The following ZDHHC14 variants were observed in gnomAD, a reference collection of about 807,000 sequenced individuals.
ZDHHC14 encodes zDHHC palmitoyltransferase 14.
Under a neutral mutation model 47.7 loss-of-function variants are expected in ZDHHC14, and 16 were observed. That is an observed-to-expected ratio of 0.34 (90% confidence interval 0.23 to 0.51). The LOEUF is 0.51. Among genes scored for constraint, ZDHHC14 ranks in the 20% least tolerant of loss-of-function variants. ZDHHC14 has a pLI of 0.97. For synonymous variants in ZDHHC14, 293 were observed against 278.9 expected, an observed-to-expected ratio of 1.05 and a Z score of -0.50; for missense variants, 515 against 662.5, an observed-to-expected ratio of 0.78 and a Z score of 2.44.
At chr6:157,639,722 G>A (rs1777156541) in intron 5 of ZDHHC14, among the ~76,000 whole-genome samples, 1 of 152,194 alleles carries the variant, frequency 6.6e-6, no homozygotes, top group Non-Finnish European at 1.5e-5. Context: ...AGGGCAGTGG[G>A]ATCCGTGCCT....
At chr6:157,636,788 GAGTGA>G (rs1777005377) in intron 5 of ZDHHC14, among the ~76,000 whole-genome samples, 1 of 152,234 alleles carries the variant, frequency 6.6e-6, no homozygotes, top group African/African-American at 2.4e-5. Flanking sequence ...CTGGAAGCAG[GAGTGA>G]ATTTCAAGAA....
chr6:157,394,357 G>A (rs1562407991), intron 1 of ZDHHC14, among the ~76,000 whole-genome samples: 1 of 152,356 alleles, frequency 6.6e-6, no homozygotes, highest in South Asian at 2.1e-4. Context: ...AGGACAGAAT[G>A]TGTCAGAAAT....
chr6:157,573,269 C>T (rs915088342), intron 2 of ZDHHC14, among the ~76,000 whole-genome samples: 12 of 152,206 alleles, frequency 7.9e-5, no homozygotes, highest in African/African-American at 2.9e-4. Context: ...GGCTCTCCAA[C>T]CCTTGCACCG....
intron 8 of ZDHHC14, among the ~76,000 whole-genome samples, chr6:157,654,192 G>A (rs901539970): frequency 6.6e-6 from 1 of 152,122 alleles, no homozygotes; most frequent in East Asian, 1.9e-4. Flanking sequence ...TTTCTTCGAC[G>A]GGTGGACATG....
chr6:157,381,423 G>A lies in ZDHHC14; in HGVS notation c.-599G>A, dbSNP rs1171980575. The A allele has an allele frequency of 1.6e-5, 4 of 251,690 alleles. No homozygotes were observed. Among genetic ancestry groups the A allele is most frequent in the Admixed American group, 5.1e-5 (1 of 19,452 alleles). 15.6% of individuals were successfully genotyped at this position (251,690 alleles called of 1,614,324 possible). A position where few individuals can be genotyped will look rare whatever the true frequency, so the allele number is the denominator to read the frequency against. On this transcript the variant is annotated 5_prime_UTR_variant, in exon 1 of 9. Coordinates refer to ENST00000359775, the MANE Select transcript of ZDHHC14 (RefSeq NM_024630.3). ...GGCTCTCGCCGAGAGGCTCCTGACA[G>A]AAAAACGTGCGTGGTTGTCCCCACC...
chr6:157,599,454 T>C (rs1443307668), intron 3 of ZDHHC14, among the ~76,000 whole-genome samples: 1 of 152,184 alleles, frequency 6.6e-6, no homozygotes, highest in Non-Finnish European at 1.5e-5. Flanking sequence ...TTGGCCTGTT[T>C]TGTTTCCACG....
At chr6:157,647,925 T>A (rs1777641539) in intron 7 of ZDHHC14, among the ~76,000 whole-genome samples, 1 of 152,214 alleles carries the variant, frequency 6.6e-6, no homozygotes, top group South Asian at 2.1e-4. Flanking sequence ...TGCATTAGCC[T>A]TTCACAAGCT....
chr6:157,636,336 A>AGTGTGTGTGTGT (rs112041409), intron 5 of ZDHHC14, among the ~76,000 whole-genome samples: 4 of 149,150 alleles, frequency 2.7e-5, no homozygotes, highest in African/African-American at 9.8e-5. Flanking sequence ...AGGATATATA[A>AGTGTGTGTGTGT]GTGTGTGTGT....
Position 157,673,384 on chromosome 6 carries a change from A to C in ZDHHC14, c.*262A>C. Reference sequence around the variant, plus strand: ...GAGAAGTGGCTGCTTTCTTTTGGTGACCCTCCAGGGGTGGAATCGGAGTGT... The same window carrying C: ...GAGAAGTGGCTGCTTTCTTTTGGTGCCCCTCCAGGGGTGGAATCGGAGTGT... On this transcript the variant is annotated 3_prime_UTR_variant, in exon 9 of 9. Transcript: ENST00000359775. This position sits in a 1 kb window ranked among gnomAD's most constrained non-coding sequence, Gnocchi z 5.4. The C allele has an allele frequency of 1.9e-6, 1 of 525,824 alleles. No individual in the cohort carries two copies. Among genetic ancestry groups the C allele is most frequent in the Non-Finnish European group, 3.3e-6 (1 of 307,090 alleles). 32.6% of individuals were successfully genotyped at this position (525,824 alleles called of 1,614,324 possible). A position where few individuals can be genotyped will look rare whatever the true frequency, so the allele number is the denominator to read the frequency against.
chr6:157,426,028 G>T (rs1778210200), intron 1 of ZDHHC14, among the ~76,000 whole-genome samples: 1 of 152,158 alleles, frequency 6.6e-6, no homozygotes, highest in Non-Finnish European at 1.5e-5. Flanking sequence ...CTAGTCCCCT[G>T]CATTCTACCT....
At chr6:157,384,167 AT>A (rs1562404319) in intron 1 of ZDHHC14, among the ~76,000 whole-genome samples, 5 of 152,316 alleles carry the variant, frequency 3.3e-5, no homozygotes, top group Non-Finnish European at 2.9e-5. Flanking sequence ...AAATGGGTTA[AT>A]TTTGTGATTC....
At chr6:157,457,089 G>A (rs551797281) in intron 1 of ZDHHC14, among the ~76,000 whole-genome samples, 8 of 151,646 alleles carry the variant, frequency 5.3e-5, no homozygotes, top group Admixed American at 1.3e-4. Flanking sequence ...CAGGAGAATC[G>A]CTTGAACTCG....
At chr6:157,510,449 G>T (rs912760839) in intron 1 of ZDHHC14, among the ~76,000 whole-genome samples, 1 of 152,032 alleles carries the variant, frequency 6.6e-6, no homozygotes, top group Non-Finnish European at 1.5e-5. Flanking sequence ...AGCCGTCCTG[G>T]TGTGGTCTTG....
chr6:157,633,425 C>T (rs528973930), intron 5 of ZDHHC14, among the ~76,000 whole-genome samples: 1 of 152,100 alleles, frequency 6.6e-6, no homozygotes, highest in East Asian at 1.9e-4. Flanking sequence ...AGGAGGATTC[C>T]CATCCTCCCA....
intron 2 of ZDHHC14, among the ~76,000 whole-genome samples, chr6:157,569,023 T>A (rs1783007289): frequency 6.6e-6 from 1 of 152,106 alleles, no homozygotes; most frequent in South Asian, 2.1e-4. Flanking sequence ...ATTTTTCTAC[T>A]TTATCATTTG....
intron 1 of ZDHHC14, among the ~76,000 whole-genome samples, chr6:157,496,707 A>T (rs1025109140): frequency 7.2e-5 from 11 of 152,212 alleles, no homozygotes; most frequent in Middle Eastern, 3.2e-3. Context: ...TTAAGAAAGA[A>T]CATGGACCTG....
At chr6:157,507,286 ATTT>A (rs34582274) in intron 1 of ZDHHC14, among the ~76,000 whole-genome samples, 4 of 135,062 alleles carry the variant, frequency 3.0e-5, no homozygotes, top group African/African-American at 5.6e-5. Flanking sequence ...TTCCTGACTC[ATTT>A]TTTTTTTTTT....
chr6:157,553,844 GCACT>G (rs1364507487), intron 2 of ZDHHC14, among the ~76,000 whole-genome samples: 3 of 152,330 alleles, frequency 2.0e-5, no homozygotes, highest in Middle Eastern at 3.4e-3. Flanking sequence ...GACATGGGCA[GCACT>G]CAGAGCCTAG....
Position 157,628,426 on chromosome 6 carries a change from T to C in ZDHHC14, c.643T>C (p.Leu215=). The part of the protein sequence containing the change: ...RNYRFFYMFI[L]SLSFLTVFIF... ...CTACAGATTTTTTTATATGTTTATT[T>C]TATCTCTGTCTTTTCTGACAGTCTT... The change falls in exon 4 of 9, where the codon TTA becomes CTA. Residue 215 remains leucine (L), a synonymous_variant. Transcript: ENST00000359775. 6.2e-7 allele frequency: 1 copy of C among 1,613,788 alleles called. No individual in the cohort carries two copies. The highest frequency in any genetic ancestry group is 8.5e-7 in the Non-Finnish European group (1 of 1,179,954).
Sources: allele counts gnomAD v4.1 joint callset (sites outside exome capture counted in the v4.1 genomes callset), GRCh38; gene constraint gnomAD v4.1.1; non-coding constraint Gnocchi (gnomAD v3.1); transcripts MANE v1.5; gene names NCBI Gene and HGNC (gene_info 2026-07-23, HGNC 2026-07-21).